ADH4: variants seen among roughly 807,000 people sequenced by gnomAD.
ADH4 encodes the protein all-trans-retinol dehydrogenase [NAD(+)] ADH4.
A neutral mutation model predicts 35.2 loss-of-function variants in ADH4; 31 were observed. The ratio of observed to expected loss-of-function variants is 0.88; its 90% CI spans 0.66 to 1.19. The LOEUF (loss-of-function observed/expected upper bound fraction) is 1.19. Among genes scored for constraint, ADH4 ranks in the 50% most tolerant of loss-of-function variants. The pLI, the probability that ADH4 is intolerant of heterozygous loss-of-function variation, is 0.00. For synonymous variants in ADH4, 171 were observed against 160.2 expected, an observed-to-expected ratio of 1.07 and a Z score of -0.51; for missense variants, 476 against 458.3, an observed-to-expected ratio of 1.04 and a Z score of -0.35.
chr4:99,143,807 A>G (rs1013414054), intron 1 of ADH4, among the ~76,000 whole-genome samples: 4 of 152,194 alleles, frequency 2.6e-5, no homozygotes, highest in Admixed American at 2.6e-4. Context: ...CTTTTGATGC[A>G]GATTCTTCGA....
At chr4:99,127,961 G>T (rs768663949) in intron 6 of ADH4, among the ~76,000 whole-genome samples, 3 of 151,684 alleles carry the variant, frequency 2.0e-5, no homozygotes, top group African/African-American at 2.4e-5. Flanking sequence ...TTGGGACAAA[G>T]GTTGTGAGAC....
At chr4:99,131,429 A>G (rs536688412) in intron 6 of ADH4, 75 bp downstream of exon 6, 11 of 1,498,116 alleles carry the variant, frequency 7.3e-6, no homozygotes, top group African/African-American at 7.0e-5. Context: ...CATAATAAAC[A>G]TAATCCACTT....
At position 99,124,113 on chromosome 4, in the gene ADH4, TA is replaced by T. The variant is rs1180355384; in HGVS notation, c.*328del. The T allele has an allele frequency of 1.8e-5, 4 of 225,496 alleles. No individual in the cohort carries two copies. The highest frequency in any genetic ancestry group is 3.4e-5 in the Non-Finnish European group (4 of 118,350). 14.0% of individuals were successfully genotyped at this position (225,496 alleles called of 1,614,324 possible). A position where few individuals can be genotyped will look rare whatever the true frequency, so the allele number is the denominator to read the frequency against. On this transcript the variant is annotated 3_prime_UTR_variant, in exon 9 of 9. Coordinates refer to ENST00000265512, the MANE Select transcript of ADH4 (RefSeq NM_000670.5). ...AACTCCATGTATTCATTACCCAATC[TA>T]AAAAAATTATAAACATATGGCCAAT... is the stretch of plus-strand genomic sequence containing the variant.
intron 8 of ADH4, among the ~76,000 whole-genome samples, chr4:99,126,184 G>A (rs1464130870): frequency 6.6e-6 from 1 of 152,192 alleles, no homozygotes; most frequent in African/African-American, 2.4e-5. Context: ...TGCCACAGAG[G>A]CATGGTTTTC....
intron 4 of ADH4, among the ~76,000 whole-genome samples, chr4:99,137,639 A>G (rs1240835417): frequency 6.6e-6 from 1 of 152,182 alleles, no homozygotes; most frequent in Non-Finnish European, 1.5e-5. Flanking sequence ...CTCTTAAAAC[A>G]TTTTTGTTGT....
chr4:99,143,124 A>G, intron 1 of ADH4: 1 of 701,364 alleles, frequency 1.4e-6, no homozygotes, highest in South Asian at 1.5e-5. Context: ...ATGGCCTATA[A>G]AAATCTATTG....
At chr4:99,137,288 C>T (rs13132999) in intron 4 of ADH4, among the ~76,000 whole-genome samples, 31,942 of 151,840 alleles carry the variant, frequency 0.21, 4,027 homozygotes, top group Non-Finnish European at 0.28. Flanking sequence ...CCACCAGGCC[C>T]GGCTAATTTT....
intron 5 of ADH4, among the ~76,000 whole-genome samples, chr4:99,135,709 G>GCTCAA (rs1385388730): frequency 1.3e-5 from 2 of 152,132 alleles, no homozygotes; most frequent in African/African-American, 4.8e-5. Context: ...CTCACCCTGA[G>GCTCAA]GGAAAAATGA....
At chr4:99,125,479 G>C (rs748426010) in intron 8 of ADH4, among the ~76,000 whole-genome samples, 6 of 152,166 alleles carry the variant, frequency 3.9e-5, no homozygotes, top group Non-Finnish European at 5.9e-5. Flanking sequence ...TAGGAGAAAA[G>C]GTTTGTGTTC....
chr4:99,140,699 C>G (rs1205759039), intron 3 of ADH4, among the ~76,000 whole-genome samples: 1 of 151,858 alleles, frequency 6.6e-6, no homozygotes, highest in Non-Finnish European at 1.5e-5. Flanking sequence ...GAAAACCCGT[C>G]TCTACTGAAA....
intron 1 of ADH4, chr4:99,143,071 T>A: frequency 2.9e-6 from 2 of 695,040 alleles, no homozygotes; most frequent in Non-Finnish European, 5.2e-6. Flanking sequence ...AGTTTTTCCC[T>A]CTATAACAGA....
intron 7 of ADH4, 44 bp downstream of exon 7, chr4:99,127,165 T>A (rs1388208528): frequency 6.6e-7 from 1 of 1,515,632 alleles, no homozygotes; most frequent in Admixed American, 2.1e-5. Context: ...ATTTCAGAAC[T>A]ACTAGGAAAA....
chr4:99,138,027 G>T (rs1352386685), intron 4 of ADH4, among the ~76,000 whole-genome samples: 2 of 151,942 alleles, frequency 1.3e-5, no homozygotes, highest in African/African-American at 4.8e-5. Context: ...CTGTAATCTG[G>T]TTGAACATAT....
chr4:99,127,020 G>T (rs768280325), intron 7 of ADH4, among the ~76,000 whole-genome samples, 189 bp downstream of exon 7: 1 of 151,690 alleles, frequency 6.6e-6, no homozygotes, highest in East Asian at 1.9e-4. Flanking sequence ...ATTTCAATTT[G>T]CAAATTATAA....
intron 5 of ADH4, among the ~76,000 whole-genome samples, chr4:99,133,303 T>C (rs1392049162): frequency 6.6e-6 from 1 of 152,254 alleles, no homozygotes; most frequent in African/African-American, 2.4e-5. Flanking sequence ...GATGATTATC[T>C]ATCTGCAAGT....
intron 3 of ADH4, 114 bp downstream of exon 3, chr4:99,141,427 G>C (rs1418428503): frequency 1.1e-5 from 11 of 1,008,328 alleles, no homozygotes; most frequent in Non-Finnish European, 1.6e-5. Flanking sequence ...CTTTGGAAAA[G>C]ATGGTCCCCT....
chr4:99,139,001 A>G (rs1048565798), intron 4 of ADH4, 60 bp downstream of exon 4: 1 of 1,314,716 alleles, frequency 7.6e-7, no homozygotes, highest in African/African-American at 1.5e-5. Context: ...GGTAATGTCA[A>G]TATGCTTTCC....
At chr4:99,132,144 G>A (rs571363782) in intron 5 of ADH4, among the ~76,000 whole-genome samples, 1 of 152,260 alleles carries the variant, frequency 6.6e-6, no homozygotes, top group South Asian at 2.1e-4. Context: ...TCATTTGGTT[G>A]TATTAATATT....
intron 5 of ADH4, 73 bp from the exon 6 acceptor site, chr4:99,131,837 G>A (rs29001205): frequency 6.7e-7 from 1 of 1,492,608 alleles, no homozygotes; most frequent in East Asian, 2.3e-5. Flanking sequence ...GAGTCAGGAG[G>A]AAGTGGGGGC....
Sources: allele counts gnomAD v4.1 joint callset (sites outside exome capture counted in the v4.1 genomes callset), GRCh38; gene constraint gnomAD v4.1.1; transcripts MANE v1.5; gene names NCBI Gene and HGNC (gene_info 2026-07-23, HGNC 2026-07-21).